SFMBT1: variants seen among roughly 807,000 people sequenced by gnomAD.
The protein encoded by SFMBT1 is scm-like with four MBT domains protein 1.
SFMBT1 carries 32 observed loss-of-function variants against 108.7 expected under a neutral mutation model. The ratio of observed to expected loss-of-function variants is 0.29; its 90% CI spans 0.22 to 0.40. The LOEUF is 0.40. SFMBT1 is among the 10% of genes least tolerant of loss of function. The pLI, the probability that SFMBT1 is intolerant of heterozygous loss-of-function variation, is 1.00. For synonymous variants in SFMBT1, 348 were observed against 369.5 expected (o/e 0.94, Z 0.67); for missense variants, 816 against 1,059.6 (o/e 0.77, Z 3.19).
intron 20 of SFMBT1, among the ~76,000 whole-genome samples, 194 bp from the exon 21 acceptor site, chr3:52,905,470 T>C (rs1702043520): frequency 6.6e-6 from 1 of 152,216 alleles, no homozygotes; most frequent in South Asian, 2.1e-4. Context: ...GCTTCAGAAT[T>C]AATAAAGTTT....
intron 2 of SFMBT1, among the ~76,000 whole-genome samples, chr3:52,954,847 T>C (rs1242292157): frequency 2.5e-5 from 1 of 40,468 alleles, no homozygotes; most frequent in African/African-American, 1.1e-4. Flanking sequence ...CTAGTAAATA[T>C]TTTACCTTAA....
intron 2 of SFMBT1, among the ~76,000 whole-genome samples, chr3:52,967,437 T>C (rs1575408846): frequency 6.6e-6 from 1 of 152,150 alleles, no homozygotes; most frequent in Admixed American, 6.5e-5. Context: ...AAATGATGGC[T>C]AATGGTTTGT....
intron 1 of SFMBT1, among the ~76,000 whole-genome samples, chr3:52,986,750 T>TA (rs1704932157): frequency 8.2e-6 from 1 of 121,496 alleles, no homozygotes. Context: ...CACTTTAGCC[T>TA]GGTGACAGAG....
chr3:53,037,058 A>G (rs1402040737), intron 1 of SFMBT1, among the ~76,000 whole-genome samples: 1 of 152,220 alleles, frequency 6.6e-6, no homozygotes, highest in East Asian at 1.9e-4. Flanking sequence ...TCACCAGCAC[A>G]CTATTCCGGA....
chr3:52,966,950 T>TTATATATATATATATATATATATATA (rs374164813), intron 2 of SFMBT1, among the ~76,000 whole-genome samples: 47 of 146,712 alleles, frequency 3.2e-4, no homozygotes, highest in African/African-American at 1.2e-3. Flanking sequence ...TTGTGATAAG[T>TTATATATATATATATATATATATATA]TATATATATA....
chr3:52,930,195 GAAGT>G, intron 8 of SFMBT1, 130 bp downstream of exon 8: 1 of 632,762 alleles, frequency 1.6e-6, no homozygotes, highest in Non-Finnish European at 2.8e-6. Context: ...AACGTGCACA[GAAGT>G]AATTCTAGCT....
chr3:52,965,889 C>T (rs1704118226), intron 2 of SFMBT1, among the ~76,000 whole-genome samples: 1 of 148,336 alleles, frequency 6.7e-6, no homozygotes, highest in Non-Finnish European at 1.5e-5. Context: ...ACCTGTAGTC[C>T]CAGCTACTCG....
chr3:53,025,237 G>C (rs1040379679), intron 1 of SFMBT1, among the ~76,000 whole-genome samples: 6 of 152,164 alleles, frequency 3.9e-5, no homozygotes, highest in African/African-American at 1.4e-4. Flanking sequence ...AAATCTGGGA[G>C]TCCCATTCCC....
rs376317726 is a variant in SFMBT1 at position 52,982,480 on chromosome 3, G to A, written c.-130-13222C>T. On this transcript the variant is annotated intron_variant, in intron 1 of 20. Transcript: ENST00000394752. ...GCGGTGGCTCACGCCTGTAATGCCA[G>A]CACTTTGGGAGGCTGAGGCGGGCGG... Among the ~76,000 whole-genome samples the A allele has an allele frequency of 3.9e-5, 6 of 152,272 alleles. No homozygotes were observed. In the East Asian group the frequency reaches 1.2e-3, roughly 29 times the overall value.
chr3:53,008,792 C>T (rs533841115), intron 1 of SFMBT1, among the ~76,000 whole-genome samples: 9 of 152,072 alleles, frequency 5.9e-5, no homozygotes, highest in Non-Finnish European at 1.0e-4. Flanking sequence ...CCCGCCACCA[C>T]GCCCGGCTAA....
intron 2 of SFMBT1, among the ~76,000 whole-genome samples, chr3:52,965,316 A>G (rs1161368942): frequency 9.2e-6 from 1 of 109,138 alleles, no homozygotes; most frequent in Non-Finnish European, 2.0e-5. Flanking sequence ...AACAACAGAG[A>G]GAAAACATTA....
rs929621790 is a variant in SFMBT1, at chr3:52,996,104, C to A, written c.-130-26846G>T. Among the ~76,000 whole-genome samples, 6 of 143,088 alleles carry A rather than the reference C, an allele frequency of 4.2e-5. 1 individual carries two copies. In the East Asian group the frequency reaches 1.0e-3, roughly 24 times the overall value. The allele number at this position is 143,088 out of a possible 152,430, so 93.9% of individuals were successfully genotyped here. ...ACAAAACTTTTGCTCTTCAAAGACA[C>A]AATGAAGAAAAAAGACAAGCCAGAG... On this transcript the variant is annotated intron_variant, in intron 1 of 20. Transcript: ENST00000394752.
intron 1 of SFMBT1, among the ~76,000 whole-genome samples, chr3:53,012,184 A>C (rs1228024067): frequency 6.6e-6 from 1 of 152,232 alleles, no homozygotes; most frequent in Non-Finnish European, 1.5e-5. Context: ...GAGAAAAGAA[A>C]GGACACTGGC....
chr3:53,016,451 A>AT (rs1412446560), intron 1 of SFMBT1, among the ~76,000 whole-genome samples: 1 of 152,248 alleles, frequency 6.6e-6, no homozygotes, highest in Non-Finnish European at 1.5e-5. Context: ...ACAAGCGTGA[A>AT]TAACAGCTCC....
intron 1 of SFMBT1, among the ~76,000 whole-genome samples, chr3:53,014,972 C>T (rs1699076179): frequency 6.6e-6 from 1 of 152,154 alleles, no homozygotes; most frequent in South Asian, 2.1e-4. Flanking sequence ...GTAATCCCAG[C>T]ACTTTGGGAG....
At chr3:53,006,731 G>T (rs1243969596) in intron 1 of SFMBT1, among the ~76,000 whole-genome samples, 1 of 152,062 alleles carries the variant, frequency 6.6e-6, no homozygotes, top group Non-Finnish European at 1.5e-5. Flanking sequence ...GATATGGAGG[G>T]GTCCTGGAAC....
chr3:53,014,348 T>C (rs1417751910), intron 1 of SFMBT1, among the ~76,000 whole-genome samples: 1 of 152,150 alleles, frequency 6.6e-6, no homozygotes, highest in Admixed American at 6.5e-5. Flanking sequence ...CTCATGCCTG[T>C]AATGCCAGCA....
chr3:52,929,698 G>A (rs1424364238), intron 8 of SFMBT1, among the ~76,000 whole-genome samples: 3 of 152,156 alleles, frequency 2.0e-5, no homozygotes, highest in Non-Finnish European at 4.4e-5. Context: ...TAGGTCAGAG[G>A]ATTTAGCACC....
intron 1 of SFMBT1, among the ~76,000 whole-genome samples, chr3:53,016,013 T>G (rs1414459208): frequency 1.3e-5 from 2 of 152,220 alleles, no homozygotes; most frequent in Non-Finnish European, 2.9e-5. Flanking sequence ...AGGGAAGACT[T>G]ATTTCATCAA....
Sources: allele counts gnomAD v4.1 joint callset (sites outside exome capture counted in the v4.1 genomes callset), GRCh38; gene constraint gnomAD v4.1.1; transcripts MANE v1.5; gene names NCBI Gene and HGNC (gene_info 2026-07-23, HGNC 2026-07-21).